The following FHOD3 variants were observed in gnomAD, a reference collection of about 807,000 sequenced individuals.
FHOD3 encodes the protein formin homology 2 domain containing 3, also known as FH1/FH2 domain-containing protein 3.
Under a neutral mutation model 173.0 loss-of-function variants are expected in FHOD3, and 90 were observed. That is an observed-to-expected ratio of 0.52 (90% CI 0.44 to 0.62). The LOEUF (loss-of-function observed/expected upper bound fraction) is 0.62. FHOD3 is among the 20% of genes least tolerant of loss of function. The probability of loss-of-function intolerance (pLI) is 0.00; values close to 1 mark genes in which losing one functional copy is unlikely to be tolerated. For synonymous variants in FHOD3, 828 were observed against 823.0 expected, an observed-to-expected ratio of 1.01 and a Z score of -0.10; for missense variants, 1,945 against 2,034.7, an observed-to-expected ratio of 0.96 and a Z score of 0.85.
chr18:36,402,146 C>G (rs1053076184), intron 3 of FHOD3, among the ~76,000 whole-genome samples: 1 of 152,052 alleles, frequency 6.6e-6, no homozygotes, highest in Non-Finnish European at 1.5e-5. Context: ...GGGCAAGGTG[C>G]GAGAGAAGTA....
chr18:36,375,573 GCATGT>G (rs1450547418), intron 3 of FHOD3, among the ~76,000 whole-genome samples: 2 of 152,228 alleles, frequency 1.3e-5, no homozygotes, highest in Non-Finnish European at 2.9e-5. Context: ...ATCCAGGACT[GCATGT>G]TAATGAGTTG....
chr18:36,506,187 C>A (rs536589255), intron 4 of FHOD3, among the ~76,000 whole-genome samples: 1 of 152,292 alleles, frequency 6.6e-6, no homozygotes, highest in Non-Finnish European at 1.5e-5. Flanking sequence ...TTTAGGATAT[C>A]CTTAGATCAA....
At chr18:36,353,289 A>G (rs2046217504) in intron 1 of FHOD3, among the ~76,000 whole-genome samples, 1 of 152,246 alleles carries the variant, frequency 6.6e-6, no homozygotes, top group South Asian at 2.1e-4. Context: ...TGACTTAACT[A>G]GGTATTTCTC....
chr18:36,724,560 T>G (rs2040957594), intron 19 of FHOD3, among the ~76,000 whole-genome samples: 1 of 152,160 alleles, frequency 6.6e-6, no homozygotes. Flanking sequence ...TGCATCTTCC[T>G]AGAAGCTGGA....
At chr18:36,748,364 GCACA>G (rs369761727) in intron 24 of FHOD3, among the ~76,000 whole-genome samples, 81 of 140,826 alleles carry the variant, frequency 5.8e-4, no homozygotes, top group African/African-American at 1.9e-3. Context: ...ACACGCACGC[GCACA>G]CACACACACA....
intron 3 of FHOD3, among the ~76,000 whole-genome samples, chr18:36,380,343 G>T (rs1466303599): frequency 2.0e-5 from 3 of 152,134 alleles, no homozygotes; most frequent in African/African-American, 7.2e-5. Context: ...GGGCATGTGG[G>T]CAGGAAGAGG....
intron 3 of FHOD3, among the ~76,000 whole-genome samples, chr18:36,420,165 C>T (rs76004257): frequency 0.01 from 1,526 of 152,240 alleles, 13 homozygotes; most frequent in Non-Finnish European, 0.014. Context: ...CATACTGATC[C>T]GTCCACACTC....
chr18:36,507,738 T>A (rs2055380441), intron 4 of FHOD3, among the ~76,000 whole-genome samples: 1 of 152,178 alleles, frequency 6.6e-6, no homozygotes, highest in South Asian at 2.1e-4. Context: ...TCCACGTGTG[T>A]CTTCCTGATA....
intron 1 of FHOD3, among the ~76,000 whole-genome samples, chr18:36,336,269 T>G (rs4627442): frequency 0.14 from 21,715 of 152,180 alleles, 1,991 homozygotes; most frequent in South Asian, 0.34. Flanking sequence ...GAACCTGAGT[T>G]GAGTCCTGTC....
At chr18:36,622,194 G>C (rs1046048531) in intron 9 of FHOD3, among the ~76,000 whole-genome samples, 2 of 152,164 alleles carry the variant, frequency 1.3e-5, no homozygotes, top group Non-Finnish European at 2.9e-5. Flanking sequence ...GGGTGAAGGA[G>C]AGTTGCCTAT....
chr18:36,327,964 T>G (rs1420288537), intron 1 of FHOD3, among the ~76,000 whole-genome samples: 1 of 152,142 alleles, frequency 6.6e-6, no homozygotes, highest in Non-Finnish European at 1.5e-5. Context: ...GCCCATGGGT[T>G]TTTAGTTCTG....
chr18:36,364,502 A>G (rs901459359), intron 2 of FHOD3, among the ~76,000 whole-genome samples: 1 of 152,206 alleles, frequency 6.6e-6, no homozygotes, highest in Non-Finnish European at 1.5e-5. Context: ...TTCTCCTGCT[A>G]TCACTATGAA....
intron 20 of FHOD3, among the ~76,000 whole-genome samples, chr18:36,738,041 C>T (rs2041727496): frequency 6.6e-6 from 1 of 152,182 alleles, no homozygotes; most frequent in African/African-American, 2.4e-5. Flanking sequence ...ATGTATTCCC[C>T]ATCACTGTGG....
intron 3 of FHOD3, among the ~76,000 whole-genome samples, chr18:36,427,975 A>C (rs1008962126): frequency 6.6e-6 from 1 of 152,224 alleles, no homozygotes; most frequent in Admixed American, 6.5e-5. Context: ...TGTTGTAGAT[A>C]TGTATCTTCC....
At chr18:36,484,732 G>A (rs543154829) in intron 3 of FHOD3, among the ~76,000 whole-genome samples, 1 of 152,240 alleles carries the variant, frequency 6.6e-6, no homozygotes, top group South Asian at 2.1e-4. Context: ...TGTAGACACA[G>A]GAAAAGCTCC....
intron 3 of FHOD3, among the ~76,000 whole-genome samples, chr18:36,468,023 T>C (rs932512393): frequency 4.6e-5 from 7 of 152,192 alleles, no homozygotes; most frequent in African/African-American, 1.7e-4. Flanking sequence ...GATAGTTGGG[T>C]GGCCCCTGGG....
intron 19 of FHOD3, among the ~76,000 whole-genome samples, chr18:36,721,375 T>C (rs2040780491): frequency 6.6e-6 from 1 of 152,228 alleles, no homozygotes; most frequent in African/African-American, 2.4e-5. Flanking sequence ...GATGGGTGGC[T>C]CATTCTGGTA....
chr18:36,478,825 A>G (rs1374679893), intron 3 of FHOD3, among the ~76,000 whole-genome samples: 1 of 151,978 alleles, frequency 6.6e-6, no homozygotes, highest in Non-Finnish European at 1.5e-5. Flanking sequence ...TACCTACCCC[A>G]ATCCTCCCCA....
chr18:36,780,142 T>C lies in FHOD3; in HGVS notation c.*612T>C. On this transcript the variant is annotated 3_prime_UTR_variant, in exon 29 of 29. Transcript: ENST00000590592. ...TTCAGAATGGCAAAACTCTTCTCAG[T>C]GTCCTCAGAAGCACCCTCGCTTGGA... The C allele has an allele frequency of 1.6e-6, 2 of 1,232,120 alleles. No individual in the cohort carries two copies. Among genetic ancestry groups the C allele is most frequent in the Non-Finnish European group, 2.0e-6 (2 of 988,094 alleles). The allele number at this position is 1,232,120 out of a possible 1,614,324, so 76.3% of individuals were successfully genotyped here.
Sources: allele counts gnomAD v4.1 joint callset (sites outside exome capture counted in the v4.1 genomes callset), GRCh38; gene constraint gnomAD v4.1.1; transcripts MANE v1.5; gene names NCBI Gene and HGNC (gene_info 2026-07-23, HGNC 2026-07-21).